SNTG2: variants seen among roughly 807,000 people sequenced by gnomAD.
SNTG2 encodes gamma-2-syntrophin.
SNTG2 carries 74 observed loss-of-function variants against 70.9 expected under a neutral mutation model. The ratio of observed to expected loss-of-function variants is 1.04; its 90% CI spans 0.86 to 1.27. The LOEUF is 1.27. SNTG2 is among the 50% of genes most tolerant of loss of function. The probability of loss-of-function intolerance (pLI) is 0.00; values close to 1 mark genes in which losing one functional copy is unlikely to be tolerated. For synonymous variants in SNTG2, 278 were observed against 273.8 expected, an observed-to-expected ratio of 1.02 and a Z score of -0.15; for missense variants, 717 against 690.7, an observed-to-expected ratio of 1.04 and a Z score of -0.43.
intron 4 of SNTG2, among the ~76,000 whole-genome samples, chr2:1,122,968 A>T (rs1280744784): frequency 6.6e-6 from 1 of 152,038 alleles, no homozygotes; most frequent in Non-Finnish European, 1.5e-5. Context: ...ATCAGAAAAA[A>T]ATAAAATATT....
intron 11 of SNTG2, among the ~76,000 whole-genome samples, chr2:1,246,071 T>C (rs1159326374): frequency 6.6e-6 from 1 of 152,170 alleles, no homozygotes; most frequent in African/African-American, 2.4e-5. Context: ...CACTAGGAAC[T>C]TGGAAGTTCA....
chr2:992,867 C>T (rs923225837), intron 1 of SNTG2, among the ~76,000 whole-genome samples: 13 of 152,086 alleles, frequency 8.5e-5, no homozygotes, highest in Non-Finnish European at 1.3e-4. Context: ...TGTGTATTCA[C>T]AGAGCTGTGC....
At chr2:1,325,975 A>G (rs1292130662) in intron 16 of SNTG2, among the ~76,000 whole-genome samples, 1 of 151,980 alleles carries the variant, frequency 6.6e-6, no homozygotes, top group Non-Finnish European at 1.5e-5. Context: ...CTGGGATTAC[A>G]GGCACCTGTG....
chr2:1,166,327 C>T (rs141224443), intron 7 of SNTG2, among the ~76,000 whole-genome samples: 7 of 152,282 alleles, frequency 4.6e-5, no homozygotes. Context: ...AACCCCAGGG[C>T]ATCCGATGTG....
At chr2:1,162,298 T>G (rs1026061873) in intron 6 of SNTG2, among the ~76,000 whole-genome samples, 3 of 151,988 alleles carry the variant, frequency 2.0e-5, no homozygotes, top group Non-Finnish European at 2.9e-5. Flanking sequence ...CAGGGAGGTG[T>G]CCACACACAC....
At chr2:953,958 G>A (rs189578941) in intron 1 of SNTG2, among the ~76,000 whole-genome samples, 5 of 152,046 alleles carry the variant, frequency 3.3e-5, no homozygotes, top group Non-Finnish European at 1.5e-5. Flanking sequence ...GTTGGCAGAG[G>A]GGCTGGCATT....
chr2:1,152,640 G>T (rs976913054), intron 6 of SNTG2, among the ~76,000 whole-genome samples: 4 of 152,296 alleles, frequency 2.6e-5, no homozygotes, highest in African/African-American at 7.2e-5. Flanking sequence ...GTGTGTTTGT[G>T]TGTAACATTT....
chr2:1,105,108 C>A (rs980165828), intron 4 of SNTG2, among the ~76,000 whole-genome samples: 47 of 152,216 alleles, frequency 3.1e-4, no homozygotes, highest in Non-Finnish European at 1.8e-4. Flanking sequence ...TTTTGCCACT[C>A]CCTTAGGGGA....
At chr2:1,161,456 C>G (rs900930275) in intron 6 of SNTG2, 8 of 152,242 alleles carry the variant, frequency 5.3e-5, no homozygotes, top group Admixed American at 4.6e-4. Context: ...AAAGCAGTGA[C>G]TGCTGCTGTG....
At chr2:1,189,508 G>T (rs115641477) in intron 8 of SNTG2, among the ~76,000 whole-genome samples, 1 of 151,894 alleles carries the variant, frequency 6.6e-6, no homozygotes, top group Non-Finnish European at 1.5e-5. Context: ...ACAGCATTCA[G>T]GATCACGTGA....
chr2:966,640 G>A (rs901645174), intron 1 of SNTG2, among the ~76,000 whole-genome samples: 3 of 152,152 alleles, frequency 2.0e-5, no homozygotes, highest in Non-Finnish European at 4.4e-5. Context: ...AAATAGAAAA[G>A]TATTTCAAAA....
At chr2:1,124,336 C>G (rs1667571899) in intron 4 of SNTG2, among the ~76,000 whole-genome samples, 1 of 140,448 alleles carries the variant, frequency 7.1e-6, no homozygotes, top group Non-Finnish European at 1.5e-5. Context: ...GCTTTGTTGC[C>G]CAGGCTGGAG....
At chr2:997,913 C>T (rs1482112911) in intron 1 of SNTG2, among the ~76,000 whole-genome samples, 4 of 152,172 alleles carry the variant, frequency 2.6e-5, no homozygotes, top group Non-Finnish European at 4.4e-5. Flanking sequence ...TTGACACAAG[C>T]GAACAGCACA....
At chr2:1,332,691 T>C (rs1659597475) in intron 16 of SNTG2, among the ~76,000 whole-genome samples, 1 of 151,994 alleles carries the variant, frequency 6.6e-6, no homozygotes, top group African/African-American at 2.4e-5. Flanking sequence ...TCACATAAAA[T>C]TAAAAACAAA....
intron 1 of SNTG2, among the ~76,000 whole-genome samples, chr2:1,074,941 A>C (rs1247841460): frequency 6.6e-6 from 1 of 152,260 alleles, no homozygotes; most frequent in Non-Finnish European, 1.5e-5. Flanking sequence ...TGTGTAATCT[A>C]ATTTAATTAT....
intron 1 of SNTG2, among the ~76,000 whole-genome samples, chr2:981,083 C>T (rs1407678941): frequency 1.3e-5 from 2 of 152,158 alleles, no homozygotes; most frequent in African/African-American, 2.4e-5. Flanking sequence ...ATATGAACCA[C>T]CCTCCAGCAT....
chr2:1,026,175 G>A (rs1220509924), intron 1 of SNTG2, among the ~76,000 whole-genome samples: 1 of 152,144 alleles, frequency 6.6e-6, no homozygotes, highest in Non-Finnish European at 1.5e-5. Context: ...TGTTGTTGTT[G>A]TTGATTTTCC....
intron 1 of SNTG2, among the ~76,000 whole-genome samples, chr2:1,059,742 A>G (rs577004102): frequency 6.6e-6 from 1 of 152,326 alleles, no homozygotes; most frequent in South Asian, 2.1e-4. Flanking sequence ...ATCTTTACTT[A>G]GAGACCATTT....
rs1362580174 is a variant in SNTG2, at chr2:994,359, T to C, written c.72+43291T>C. ...TGGATACTCATTCCCATTCCATTGA[T>C]CTATATCTCTATTTTTATAAAGCTA... On this transcript the variant is annotated intron_variant, in intron 1 of 16. Coordinates refer to ENST00000308624, the MANE Select transcript of SNTG2 (RefSeq NM_018968.4). Among the ~76,000 whole-genome samples the C allele has an allele frequency of 2.6e-5, 4 of 152,134 alleles. No homozygotes were observed. In the East Asian group the frequency reaches 7.7e-4, roughly 29 times the overall value.
Sources: gnomAD v4.1 joint callset for allele counts (sites outside exome capture counted in the v4.1 genomes callset) on GRCh38, gnomAD v4.1.1 for gene constraint, MANE v1.5 for transcripts, NCBI Gene and HGNC (gene_info 2026-07-23, HGNC 2026-07-21) for gene names.